The following NRXN3 variants were observed in gnomAD, a reference collection of about 807,000 sequenced individuals.
NRXN3 encodes neurexin 3, also known as neurexin III.
Under a neutral mutation model 137.6 loss-of-function variants are expected in NRXN3, and 32 were observed. The ratio of observed to expected loss-of-function variants is 0.23; its 90% CI spans 0.18 to 0.31. NRXN3 has a LOEUF of 0.31. Ranked by LOEUF, NRXN3 falls within the 10% of genes least tolerant of loss-of-function variation. NRXN3 has a pLI of 1.00. For missense variants in NRXN3, 1,574 were observed against 2,062.5 expected, an observed-to-expected ratio of 0.76 and a Z score of 4.59; for synonymous variants, 798 against 784.5, an observed-to-expected ratio of 1.02 and a Z score of -0.29.
At chr14:78,189,523 C>A (rs1254120521) in intron 1 of NRXN3, among the ~76,000 whole-genome samples, 3 of 152,146 alleles carry the variant, frequency 2.0e-5, no homozygotes, top group African/African-American at 7.2e-5. Flanking sequence ...CTCCTTGATG[C>A]CACTTAAACT....
chr14:79,090,835 G>A (rs1479216672), intron 15 of NRXN3, among the ~76,000 whole-genome samples: 2 of 152,120 alleles, frequency 1.3e-5, no homozygotes, highest in East Asian at 3.9e-4. Flanking sequence ...AAGGAAATAA[G>A]TCCTGTCATG....
At chr14:78,515,350 T>G (rs893116361) in intron 4 of NRXN3, among the ~76,000 whole-genome samples, 7 of 152,108 alleles carry the variant, frequency 4.6e-5, no homozygotes, top group Non-Finnish European at 1.0e-4. Flanking sequence ...CTGAAATTTA[T>G]TGTGCCAACT....
rs1375613082 is a variant in NRXN3, at chr14:79,221,530, G to T, written c.3262+233389G>T. Among the ~76,000 whole-genome samples the T allele has an allele frequency of 4.6e-5, 7 of 151,946 alleles. No homozygotes were observed. The East Asian group carries it at 1.2e-3, about 25-fold the overall frequency. On this transcript the variant is annotated intron_variant, in intron 15 of 20. Coordinates refer to ENST00000335750, the MANE Select transcript of NRXN3 (RefSeq NM_001330195.2). The stretch of plus-strand genomic sequence containing the variant: ...TGATGATGAGCATTTTTTCATGTTT[G>T]TTGGCCACATAAATGTCTTCTTTTG...
chr14:79,022,352 A>T (rs1365572201), intron 15 of NRXN3, among the ~76,000 whole-genome samples: 2 of 152,086 alleles, frequency 1.3e-5, no homozygotes, highest in African/African-American at 4.8e-5. Context: ...TCTTTTTTTT[A>T]AATTGGTCTC....
chr14:79,628,129 CT>C (rs938069407), intron 16 of NRXN3, among the ~76,000 whole-genome samples: 1 of 152,230 alleles, frequency 6.6e-6, no homozygotes, highest in African/African-American at 2.4e-5. Context: ...TAGAAAGGCA[CT>C]TTTTTTCCTC....
In NRXN3 at chr14:78,612,018, G is replaced by A. The variant is rs75065995; in HGVS notation, c.758-33102G>A. Among the ~76,000 whole-genome samples, 1,257 of 152,262 alleles carry A rather than the reference G, an allele frequency of 8.3e-3. 86 individuals carry two copies. In the East Asian group the frequency reaches 0.18, roughly 22 times the overall value. On this transcript the variant is annotated intron_variant, in intron 4 of 20. Coordinates refer to ENST00000335750, the MANE Select transcript of NRXN3 (RefSeq NM_001330195.2). The stretch of plus-strand genomic sequence containing the variant: ...ATGAAATCTTGGTATGCAGAAGGGC[G>A]TGGTGTGCTCTTTGACTTGAAAGTG...
chr14:78,517,758 G>T (rs1251842115), intron 4 of NRXN3, among the ~76,000 whole-genome samples: 5 of 152,142 alleles, frequency 3.3e-5, no homozygotes, highest in African/African-American at 1.2e-4. Flanking sequence ...CAATTAGATG[G>T]ACTATCTAGA....
In NRXN3 at chr14:78,783,616, A is replaced by G. The variant is rs1006429706; in HGVS notation, c.2045-20004A>G. Among the ~76,000 whole-genome samples, 12 of 152,358 alleles carry G rather than the reference A, an allele frequency of 7.9e-5. No homozygotes were observed. In the South Asian group the frequency reaches 2.3e-3, roughly 29 times the overall value. The stretch of plus-strand genomic sequence containing the variant: ...CATTAGGGGGAGTAAGGTGAGGGGT[A>G]TAAGAAACTCAGTATAATTTTTATA... On this transcript the variant is annotated intron_variant, in intron 8 of 20. Coordinates refer to ENST00000335750, the MANE Select transcript of NRXN3 (RefSeq NM_001330195.2).
At chr14:78,548,993 G>A (rs1428430838) in intron 4 of NRXN3, among the ~76,000 whole-genome samples, 1 of 152,172 alleles carries the variant, frequency 6.6e-6, no homozygotes. Context: ...ATCAGAAGAG[G>A]AGAAGGGACC....
chr14:79,073,172 C>T (rs773722259), intron 15 of NRXN3, among the ~76,000 whole-genome samples: 1 of 152,126 alleles, frequency 6.6e-6, no homozygotes, highest in African/African-American at 2.4e-5. Flanking sequence ...CAGGCATGAG[C>T]CACCGCGCCC....
At chr14:79,325,090 C>T (rs77678402) in intron 15 of NRXN3, among the ~76,000 whole-genome samples, 5 of 152,136 alleles carry the variant, frequency 3.3e-5, no homozygotes, top group African/African-American at 9.7e-5. Context: ...CCCAAACCCT[C>T]GCCATGCTTT....
chr14:79,253,940 A>G (rs1160908269), intron 15 of NRXN3, among the ~76,000 whole-genome samples: 1 of 152,236 alleles, frequency 6.6e-6, no homozygotes, highest in Non-Finnish European at 1.5e-5. Context: ...TTTAAGTAGA[A>G]TACATTTGTA....
At chr14:79,671,121 A>G (rs546486800) in intron 17 of NRXN3, among the ~76,000 whole-genome samples, 2 of 152,204 alleles carry the variant, frequency 1.3e-5, no homozygotes, top group African/African-American at 4.8e-5. Flanking sequence ...GCAGCATCCT[A>G]CTTAGTCTTG....
intron 15 of NRXN3, among the ~76,000 whole-genome samples, chr14:79,271,892 C>A (rs1312523536): frequency 6.6e-6 from 1 of 152,130 alleles, no homozygotes; most frequent in Non-Finnish European, 1.5e-5. Flanking sequence ...CTTTTCAAAC[C>A]CTCAAAACTA....
intron 1 of NRXN3, among the ~76,000 whole-genome samples, chr14:78,178,520 A>T (rs1448641005): frequency 6.6e-6 from 1 of 152,144 alleles, no homozygotes; most frequent in Non-Finnish European, 1.5e-5. Context: ...AGGTGGGCAG[A>T]AGGTAGAGAA....
intron 2 of NRXN3, among the ~76,000 whole-genome samples, chr14:78,278,075 C>T (rs566120462): frequency 5.9e-5 from 9 of 152,226 alleles, no homozygotes; most frequent in African/African-American, 1.9e-4. Context: ...ACTGGGGAGG[C>T]GGGGAATTGT....
Position 78,335,657 on chromosome 14 carries a change from A to G in NRXN3, c.757+37797A>G, listed in dbSNP as rs571433548. On this transcript the variant is annotated intron_variant, in intron 4 of 20. Coordinates refer to ENST00000335750, the MANE Select transcript of NRXN3 (RefSeq NM_001330195.2). ...CTGAAAGGAAGGCAGCTGTGGCCTG[A>G]TTCCTTCCTCCCACCTGCCTTTAGT... is the stretch of plus-strand genomic sequence containing the variant. Among the ~76,000 whole-genome samples the G allele has an allele frequency of 2.6e-5, 4 of 152,326 alleles. No homozygotes were observed. The East Asian group carries it at 7.7e-4, about 29-fold the overall frequency.
rs17094079 is a variant in NRXN3, at chr14:78,631,283, G to T, written c.758-13837G>T. On this transcript the variant is annotated intron_variant, in intron 4 of 20. Coordinates refer to ENST00000335750, the MANE Select transcript of NRXN3 (RefSeq NM_001330195.2). ...CTCATTTTCTTAATTCCTGGACAAGGTTTTTGTGTATTCTAACCAAGTATT... is the reference window on the plus strand; with the variant it reads ...CTCATTTTCTTAATTCCTGGACAAGTTTTTTGTGTATTCTAACCAAGTATT... Among the ~76,000 whole-genome samples, 66 of 152,278 alleles carry T rather than the reference G, an allele frequency of 4.3e-4. 1 individual carries two copies. The East Asian group carries it at 0.012, about 27-fold the overall frequency.
At chr14:78,467,863 G>T (rs902027639) in intron 4 of NRXN3, among the ~76,000 whole-genome samples, 1 of 151,920 alleles carries the variant, frequency 6.6e-6, no homozygotes, top group East Asian at 1.9e-4. Flanking sequence ...GCCCTCTTAT[G>T]GTTCTACACC....
Sources: gnomAD v4.1 joint callset for allele counts (sites outside exome capture counted in the v4.1 genomes callset) on GRCh38, gnomAD v4.1.1 for gene constraint, MANE v1.5 for transcripts, NCBI Gene and HGNC (gene_info 2026-07-23, HGNC 2026-07-21) for gene names.